JAKMIP2: variants seen among roughly 807,000 people sequenced by gnomAD.
JAKMIP2 encodes the protein janus kinase and microtubule interacting protein 2, also known as janus kinase and microtubule-interacting protein 2.
Under a neutral mutation model 115.0 loss-of-function variants are expected in JAKMIP2, and 25 were observed. That is an observed-to-expected ratio of 0.22 (90% confidence interval 0.16 to 0.30). JAKMIP2 has a LOEUF of 0.30. Ranked by LOEUF, JAKMIP2 falls within the 10% of genes least tolerant of loss-of-function variation. JAKMIP2 has a pLI of 1.00. For missense variants in JAKMIP2, 642 were observed against 957.6 expected, an observed-to-expected ratio of 0.67 and a Z score of 4.35; for synonymous variants, 334 against 343.6, an observed-to-expected ratio of 0.97 and a Z score of 0.31.
chr5:147,781,074 A>G (rs1755739379), intron 1 of JAKMIP2, among the ~76,000 whole-genome samples: 1 of 152,194 alleles, frequency 6.6e-6, no homozygotes, highest in Admixed American at 6.5e-5. Flanking sequence ...AGCAGATCCC[A>G]GTAAGCATTT....
chr5:147,768,533 C>T (rs955686960), intron 1 of JAKMIP2, among the ~76,000 whole-genome samples: 4 of 152,030 alleles, frequency 2.6e-5, no homozygotes, highest in Non-Finnish European at 5.9e-5. Context: ...TATTAGGTGA[C>T]ATCATTTTAA....
At chr5:147,703,300 T>C (rs1395778340) in intron 1 of JAKMIP2, among the ~76,000 whole-genome samples, 1 of 152,142 alleles carries the variant, frequency 6.6e-6, no homozygotes, top group African/African-American at 2.4e-5. Context: ...GCAACTGTAC[T>C]TCATACTGTA....
At chr5:147,708,025 A>G (rs1198821459) in intron 1 of JAKMIP2, among the ~76,000 whole-genome samples, 1 of 152,204 alleles carries the variant, frequency 6.6e-6, no homozygotes, top group East Asian at 1.9e-4. Context: ...TATATTTATC[A>G]ATAAATATTT....
chr5:147,597,749 C>T (rs557682571), intron 21 of JAKMIP2, among the ~76,000 whole-genome samples: 2 of 152,292 alleles, frequency 1.3e-5, no homozygotes, highest in Non-Finnish European at 2.9e-5. Context: ...CACAATGAGT[C>T]GTTGCTATGG....
In JAKMIP2 at chr5:147,597,047, A is replaced by AT. The variant is rs34946624; in HGVS notation, c.*20+4693dup. ...ACCACCATGCCTGGCTAATTTTTGT[A>AT]TTTTTTTTTTTTTTTTAGTAGAATG... On this transcript the variant is annotated intron_variant, in intron 21 of 21. Transcript: ENST00000616793. Among the ~76,000 whole-genome samples the AT allele has an allele frequency of 1.8e-4, 26 of 145,352 alleles. No individual in the cohort carries two copies. In the East Asian group the frequency reaches 2.4e-3, roughly 14 times the overall value.
intron 3 of JAKMIP2, among the ~76,000 whole-genome samples, chr5:147,653,310 A>T (rs1325555340): frequency 6.6e-6 from 1 of 152,152 alleles, no homozygotes; most frequent in Non-Finnish European, 1.5e-5. Context: ...GGTTGGACCA[A>T]TCTACATTCC....
intron 1 of JAKMIP2, among the ~76,000 whole-genome samples, chr5:147,739,636 C>T (rs535587566): frequency 6.6e-6 from 1 of 152,242 alleles, no homozygotes; most frequent in Non-Finnish European, 1.5e-5. Flanking sequence ...CAGAAGAGAG[C>T]TTGAAGCTCT....
At chr5:147,715,675 C>T (rs988268699) in intron 1 of JAKMIP2, among the ~76,000 whole-genome samples, 6 of 151,664 alleles carry the variant, frequency 4.0e-5, no homozygotes, top group Admixed American at 6.6e-5. Flanking sequence ...GAAAAATTGA[C>T]CAAATTTTAA....
intron 1 of JAKMIP2, among the ~76,000 whole-genome samples, chr5:147,721,622 T>A (rs548641347): frequency 1.3e-5 from 2 of 152,118 alleles, no homozygotes; most frequent in Non-Finnish European, 2.9e-5. Context: ...CCAGGTGCCG[T>A]CAGTCACCCC....
At chr5:147,702,652 GAAAGAAAGAA>G (rs1239220840) in intron 1 of JAKMIP2, among the ~76,000 whole-genome samples, 18 of 118,656 alleles carry the variant, frequency 1.5e-4, no homozygotes, top group South Asian at 8.3e-4. Flanking sequence ...AAGAAAGAAA[GAAAGAAAGAA>G]AGAGAGAGAA....
At chr5:147,618,613 C>A (rs6580490) in intron 18 of JAKMIP2, among the ~76,000 whole-genome samples, 6,851 of 152,156 alleles carry the variant, frequency 0.045, 505 homozygotes, top group African/African-American at 0.15. Context: ...TGGTGCGCAC[C>A]TGTAATCCCA....
At chr5:147,715,557 C>T (rs1053208967) in intron 1 of JAKMIP2, among the ~76,000 whole-genome samples, 4 of 151,328 alleles carry the variant, frequency 2.6e-5, no homozygotes, top group Non-Finnish European at 5.9e-5. Context: ...AAAGATTTTA[C>T]TAGAACAAAT....
rs1324826006 is a variant in JAKMIP2, at chr5:147,596,233, G to A, written c.*21-4547C>T. On this transcript the variant is annotated intron_variant, in intron 21 of 21. Coordinates refer to ENST00000616793, the MANE Select transcript of JAKMIP2 (RefSeq NM_001270941.2). ...TTTTTTAACTTGTTATCAATAGATT[G>A]GTTGAAGGAACTTGATCCTAACACA... 2.6e-5 allele frequency among the ~76,000 whole-genome samples: 4 copies of A among 151,890 alleles called. No homozygotes were observed. The East Asian group carries it at 7.7e-4, about 29-fold the overall frequency.
intron 10 of JAKMIP2, among the ~76,000 whole-genome samples, chr5:147,638,980 A>T (rs531019664): frequency 5.6e-4 from 85 of 152,328 alleles, no homozygotes; most frequent in South Asian, 1.7e-3. Flanking sequence ...CTCAATAAAT[A>T]TTAAGAATTA....
At chr5:147,598,070 C>G (rs1380851178) in intron 21 of JAKMIP2, among the ~76,000 whole-genome samples, 3 of 151,842 alleles carry the variant, frequency 2.0e-5, no homozygotes, top group Non-Finnish European at 4.4e-5. Context: ...GCGATCTCAG[C>G]TCACTGCAAC....
At chr5:147,726,653 C>CT (rs1047915122) in intron 1 of JAKMIP2, among the ~76,000 whole-genome samples, 27 of 152,160 alleles carry the variant, frequency 1.8e-4, no homozygotes, top group African/African-American at 6.3e-4. Flanking sequence ...AGAACATGGG[C>CT]TTAGGACCCC....
chr5:147,629,661 T>C lies in JAKMIP2; in HGVS notation c.1929+32A>G, dbSNP rs772164095. The C allele has an allele frequency of 3.2e-6, 5 of 1,562,204 alleles. No individual in the cohort carries two copies. The East Asian group carries it at 1.1e-4, about 35-fold the overall frequency. ...ATCTCTTGCCTCTGTTTAGGCAAAT[T>C]CATATCTATACTAAATCAATTCTTT... On this transcript the variant is annotated intron_variant, in intron 15 of 21. Transcript: ENST00000616793.
chr5:147,623,825 T>G, intron 16 of JAKMIP2, 136 bp from the exon 17 acceptor site: 3 of 529,166 alleles, frequency 5.7e-6, no homozygotes, highest in Middle Eastern at 2.8e-4. Context: ...AAACAACACC[T>G]TTTTTTGCTT....
At chr5:147,613,183 G>A (rs534982938) in intron 19 of JAKMIP2, among the ~76,000 whole-genome samples, 1 of 152,212 alleles carries the variant, frequency 6.6e-6, no homozygotes, top group East Asian at 1.9e-4. Flanking sequence ...CTATTTACAA[G>A]TAAAATAAAG....
Sources: allele counts gnomAD v4.1 joint callset (sites outside exome capture counted in the v4.1 genomes callset), GRCh38; gene constraint gnomAD v4.1.1; transcripts MANE v1.5; gene names NCBI Gene and HGNC (gene_info 2026-07-23, HGNC 2026-07-21).